SULT1B1: variants seen among roughly 807,000 people sequenced by gnomAD.
The protein encoded by SULT1B1 is sulfotransferase 1B1.
Under a neutral mutation model 34.6 loss-of-function variants are expected in SULT1B1, and 28 were observed. The observed-to-expected ratio is 0.81, with a 90% CI of 0.60 to 1.11. SULT1B1 has a LOEUF of 1.11. Among genes scored for constraint, SULT1B1 ranks in the 50% least tolerant of loss-of-function variants. SULT1B1 has a pLI of 0.00. For synonymous variants in SULT1B1, 147 were observed against 110.2 expected (o/e 1.33, Z -2.09); for missense variants, 374 against 352.2 (o/e 1.06, Z -0.50).
At chr4:69,760,120 C>T in intron 1 of SULT1B1, 1 of 339,584 alleles carries the variant, frequency 2.9e-6, no homozygotes, top group Non-Finnish European at 4.2e-6. Flanking sequence ...CATATGTGTG[C>T]ATGAATGCAT....
At chr4:69,758,927 T>C (rs1156248283) in intron 1 of SULT1B1, among the ~76,000 whole-genome samples, 1 of 152,222 alleles carries the variant, frequency 6.6e-6, no homozygotes, top group East Asian at 1.9e-4. Context: ...AACGGAGAGC[T>C]TGTTGGAAAT....
At chr4:69,733,325 C>G (rs1048948567) in intron 6 of SULT1B1, 88 bp downstream of exon 6, 1 of 900,620 alleles carries the variant, frequency 1.1e-6, no homozygotes, top group African/African-American at 1.7e-5. Context: ...ATTTTGGACT[C>G]GATAGACTAA....
At chr4:69,740,545 G>A (rs1718506903) in intron 4 of SULT1B1, among the ~76,000 whole-genome samples, 1 of 152,188 alleles carries the variant, frequency 6.6e-6, no homozygotes, top group Non-Finnish European at 1.5e-5. Flanking sequence ...AATTCAAGGT[G>A]AGATTTGGGT....
chr4:69,758,318 T>A, intron 1 of SULT1B1: 1 of 985,430 alleles, frequency 1.0e-6, no homozygotes, highest in South Asian at 4.7e-5. Flanking sequence ...AATCTTTTGA[T>A]ATCTTGAGAA....
Position 69,722,097 on chromosome 4 carries a change from T to C in SULT1B1, c.*4991A>G, listed in dbSNP as rs559940759. ...AATTAGGATAGTGACATTTGCATCATAGAATAAATATATAAGAGGCAACAA... is the reference window on the plus strand; with the variant it reads ...AATTAGGATAGTGACATTTGCATCACAGAATAAATATATAAGAGGCAACAA... On this transcript the variant is annotated 3_prime_UTR_variant, in exon 8 of 8. Coordinates refer to ENST00000310613, the MANE Select transcript of SULT1B1 (RefSeq NM_014465.4). 5.9e-5 allele frequency: 9 copies of C among 152,080 alleles called. No individual in the cohort carries two copies. The highest frequency in any genetic ancestry group is 2.6e-4 in the Admixed American group (4 of 15,250). The allele number at this position is 152,080 out of a possible 1,614,324, so 9.4% of individuals were successfully genotyped here. A position where few individuals can be genotyped will look rare whatever the true frequency, so the allele number is the denominator to read the frequency against.
intron 4 of SULT1B1, among the ~76,000 whole-genome samples, chr4:69,743,412 G>A (rs1192585058): frequency 6.6e-6 from 1 of 152,148 alleles, no homozygotes; most frequent in Admixed American, 6.5e-5. Flanking sequence ...AAGAAGTGCA[G>A]TCCCATTGGT....
At chr4:69,745,503 TG>T (rs1461618985) in intron 4 of SULT1B1, among the ~76,000 whole-genome samples, 1 of 152,238 alleles carries the variant, frequency 6.6e-6, no homozygotes, top group Admixed American at 6.5e-5. Flanking sequence ...CTCTTTTGTC[TG>T]AAAAAAATAG....
In SULT1B1 at chr4:69,754,713, T is replaced by C. The variant is rs751883051; in HGVS notation, c.234A>G (p.Lys78=). ...GGAGAGTCATTTCCAACATTGGAAC[T>C]TTTTCAGTAATAAAACCTCGCTTAC... ...EKCKRGFITE[K]VPMLEMTLPG... The change falls in exon 3 of 8, where the codon AAA becomes AAG. Residue 78 remains lysine, a synonymous_variant. Transcript: ENST00000310613. The C allele has an allele frequency of 1.9e-6, 3 of 1,613,424 alleles. No homozygotes were observed. Among genetic ancestry groups the C allele is most frequent in the Admixed American group, 3.3e-5 (2 of 59,994 alleles).
chr4:69,733,526 C>A lies in SULT1B1; in HGVS notation c.503-19G>T, dbSNP rs200217045. 9.5e-5 allele frequency: 145 copies of A among 1,519,068 alleles called. No individual in the cohort carries two copies. In the East Asian group the frequency reaches 2.5e-3, roughly 27 times the overall value. The allele number at this position is 1,519,068 out of a possible 1,614,324, so 94.1% of individuals were successfully genotyped here. On this transcript the variant is annotated intron_variant, in intron 5 of 7. Transcript: ENST00000310613. Reference sequence around the variant, plus strand: ...TAGGCCACTAAAACCAGATAAAAGTCTATTTTCATAAACATTCATCAAATT... The same window carrying A: ...TAGGCCACTAAAACCAGATAAAAGTATATTTTCATAAACATTCATCAAATT...
chr4:69,741,140 G>A (rs1718535489), intron 4 of SULT1B1, among the ~76,000 whole-genome samples: 2 of 152,124 alleles, frequency 1.3e-5, no homozygotes, highest in South Asian at 2.1e-4. Context: ...ATTGAATAGA[G>A]TTATTTCTTC....
At chr4:69,755,034 AG>A (rs770496340) in intron 2 of SULT1B1, 35 bp downstream of exon 2, 1 of 1,539,754 alleles carries the variant, frequency 6.5e-7, no homozygotes, top group Non-Finnish European at 8.9e-7. Flanking sequence ...ACAAAAAATG[AG>A]GTCGGACTTG....
At chr4:69,742,946 G>C (rs527308877) in intron 4 of SULT1B1, among the ~76,000 whole-genome samples, 1 of 152,332 alleles carries the variant, frequency 6.6e-6, no homozygotes, top group South Asian at 2.1e-4. Flanking sequence ...TTCCACAGCT[G>C]ATACCGAGGA....
intron 4 of SULT1B1, among the ~76,000 whole-genome samples, chr4:69,739,032 G>A (rs988820833): frequency 6.6e-6 from 1 of 152,184 alleles, no homozygotes; most frequent in Non-Finnish European, 1.5e-5. Context: ...AGACTCCCAC[G>A]ACCTTGGTCA....
At position 69,732,375 on chromosome 4, in the gene SULT1B1, C is replaced by T. The variant is rs145332864; in HGVS notation, c.597+1038G>A. ...AAAGCAAGTAATATTTCACATGGGG[C>T]CAAATTTCTGTGTTATATAAAGTAG... On this transcript the variant is annotated intron_variant, in intron 6 of 7. Coordinates refer to ENST00000310613, the MANE Select transcript of SULT1B1 (RefSeq NM_014465.4). 1.6e-4 allele frequency among the ~76,000 whole-genome samples: 24 copies of T among 152,124 alleles called. No individual in the cohort carries two copies. In the East Asian group the frequency reaches 2.9e-3, roughly 18 times the overall value.
intron 3 of SULT1B1, among the ~76,000 whole-genome samples, chr4:69,753,970 C>T (rs1719088566): frequency 1.3e-5 from 2 of 152,124 alleles, no homozygotes. Flanking sequence ...TGTAGCTATT[C>T]TGGAATCTCT....
At position 69,734,272 on chromosome 4, in the gene SULT1B1, G is replaced by T; in HGVS notation, c.376-8C>A. The T allele has an allele frequency of 1.9e-6, 3 of 1,605,998 alleles. No homozygotes were observed. The highest frequency in any genetic ancestry group is 8.5e-7 in the Non-Finnish European group (1 of 1,176,434). On this transcript the variant is annotated splice_polypyrimidine_tract_variant and splice_region_variant and intron_variant, in intron 4 of 7. Coordinates refer to ENST00000310613, the MANE Select transcript of SULT1B1 (RefSeq NM_014465.4). ...ACGAGCCAGATAAATCATCTGCAGT[G>T]GGGGGTGGGGGTAGGAGAAAAAAAT... is the stretch of plus-strand genomic sequence containing the variant.
chr4:69,725,482 A>G lies in SULT1B1; in HGVS notation c.*1606T>C, dbSNP rs1427415594. On this transcript the variant is annotated 3_prime_UTR_variant, in exon 8 of 8. Transcript: ENST00000310613. Reference sequence around the variant, plus strand: ...GTGTGGCAATTCCTCAGAGATCTAGAACTAGAAATACCATTTGACCCAGCC... The same window carrying G: ...GTGTGGCAATTCCTCAGAGATCTAGGACTAGAAATACCATTTGACCCAGCC... 2 of 152,192 alleles carry G rather than the reference A, an allele frequency of 1.3e-5. No homozygotes were observed. Among genetic ancestry groups the G allele is most frequent in the Non-Finnish European group, 2.9e-5 (2 of 68,036 alleles). The allele number at this position is 152,192 out of a possible 1,614,324, so 9.4% of individuals were successfully genotyped here.
In SULT1B1 at chr4:69,723,818, T is replaced by C. The variant is rs1717725016; in HGVS notation, c.*3270A>G. 6.6e-6 allele frequency: 1 copy of C among 152,142 alleles called. No individual in the cohort carries two copies. Among genetic ancestry groups the C allele is most frequent in the Non-Finnish European group, 1.5e-5 (1 of 68,042 alleles). The allele number at this position is 152,142 out of a possible 1,614,324, so 9.4% of individuals were successfully genotyped here. A position where few individuals can be genotyped will look rare whatever the true frequency, so the allele number is the denominator to read the frequency against. ...GATGCAGAAAAGGCCTTTGACAAAATTCAACAGCCTTCATGCTAAAAACTC... is the reference window on the plus strand; with the variant it reads ...GATGCAGAAAAGGCCTTTGACAAAACTCAACAGCCTTCATGCTAAAAACTC... On this transcript the variant is annotated 3_prime_UTR_variant, in exon 8 of 8. Transcript: ENST00000310613.
rs560334143 is a variant in SULT1B1 at position 69,742,067 on chromosome 4, G to A, written c.375+7654C>T. On this transcript the variant is annotated intron_variant, in intron 4 of 7. Coordinates refer to ENST00000310613, the MANE Select transcript of SULT1B1 (RefSeq NM_014465.4). Reference sequence around the variant, plus strand: ...GTCCTTCAATACCTAGTTTACTGAAGGTTTTTAATATGAAGGGATGTGAAG... The same window carrying A: ...GTCCTTCAATACCTAGTTTACTGAAAGTTTTTAATATGAAGGGATGTGAAG... Among the ~76,000 whole-genome samples the A allele has an allele frequency of 1.2e-4, 18 of 152,148 alleles. No individual in the cohort carries two copies. In the South Asian group the frequency reaches 3.7e-3, roughly 32 times the overall value.
Sources: allele counts gnomAD v4.1 joint callset (sites outside exome capture counted in the v4.1 genomes callset), GRCh38; gene constraint gnomAD v4.1.1; transcripts MANE v1.5; gene names NCBI Gene and HGNC (gene_info 2026-07-23, HGNC 2026-07-21).